Variants in FIP1L1 observed in about 807,000 individuals in gnomAD.
The protein encoded by FIP1L1 is pre-mRNA 3'-end-processing factor FIP1.
In FIP1L1, 21 loss-of-function variants were observed where a neutral mutation model predicts 84.6. The observed-to-expected ratio is 0.25, with a 90% CI of 0.18 to 0.36. The LOEUF is 0.36. Ranked by LOEUF, FIP1L1 falls within the 10% of genes least tolerant of loss-of-function variation. The probability of loss-of-function intolerance (pLI) is 1.00; values close to 1 mark genes in which losing one functional copy is unlikely to be tolerated. For missense variants in FIP1L1, 526 were observed against 751.1 expected (o/e 0.70, Z 3.50); for synonymous variants, 263 against 242.3 (o/e 1.09, Z -0.80).
chr4:53,382,432 A>G lies in FIP1L1; in HGVS notation c.228+97A>G. Reference sequence around the variant, plus strand: ...CAAGCTGGCATTTTACATTACCTTCAGTATCAGGTGTTATCTGGCCCTTTC... The same window carrying G: ...CAAGCTGGCATTTTACATTACCTTCGGTATCAGGTGTTATCTGGCCCTTTC... On this transcript the variant is annotated intron_variant, in intron 4 of 17. Coordinates refer to ENST00000337488, the MANE Select transcript of FIP1L1 (RefSeq NM_030917.4). 1.3e-5 allele frequency: 12 copies of G among 920,578 alleles called. 1 individual carries two copies. The highest frequency in any genetic ancestry group is 2.1e-5 in the Non-Finnish European group (12 of 564,484). 57.0% of individuals were successfully genotyped at this position (920,578 alleles called of 1,614,324 possible). A position where few individuals can be genotyped will look rare whatever the true frequency, so the allele number is the denominator to read the frequency against.
At chr4:53,454,791 C>T (rs1718063316) in intron 16 of FIP1L1, among the ~76,000 whole-genome samples, 1 of 152,180 alleles carries the variant, frequency 6.6e-6, no homozygotes, top group African/African-American at 2.4e-5. Context: ...GTGAGCCTGT[C>T]CTTTGAAACT....
intron 13 of FIP1L1, among the ~76,000 whole-genome samples, chr4:53,441,937 A>G (rs1772116669): frequency 6.6e-6 from 1 of 151,986 alleles, no homozygotes; most frequent in Admixed American, 6.6e-5. Flanking sequence ...TTCTGCTAGG[A>G]TGCTTTATAG....
At chr4:53,425,310 G>A (rs938966673) in intron 11 of FIP1L1, among the ~76,000 whole-genome samples, 4 of 152,024 alleles carry the variant, frequency 2.6e-5, no homozygotes, top group Non-Finnish European at 2.9e-5. Flanking sequence ...AGATTGTAGA[G>A]GTGAGGCGGG....
chr4:53,413,834 T>C (rs757309224), intron 10 of FIP1L1, among the ~76,000 whole-genome samples: 7 of 152,138 alleles, frequency 4.6e-5, no homozygotes, highest in African/African-American at 7.2e-5. Flanking sequence ...CATCTAACAG[T>C]TCGAAAGGCA....
chr4:53,398,626 G>T (rs1748638676), intron 9 of FIP1L1, among the ~76,000 whole-genome samples: 1 of 145,252 alleles, frequency 6.9e-6, no homozygotes. Context: ...CATAAAATAT[G>T]GTGTGATATT....
intron 10 of FIP1L1, among the ~76,000 whole-genome samples, chr4:53,405,847 C>T (rs1449550432): frequency 1.2e-4 from 18 of 151,628 alleles, no homozygotes; most frequent in Non-Finnish European, 2.4e-4. Context: ...GTGATTTTTG[C>T]ACATTGATTT....
At chr4:53,378,898 G>T in intron 1 of FIP1L1, 175 bp from the exon 2 acceptor site, 1 of 669,532 alleles carries the variant, frequency 1.5e-6, no homozygotes, top group South Asian at 2.1e-5. Context: ...TTTAGCATTA[G>T]TTACTACTCT....
At chr4:53,444,459 T>C (rs1277019305) in intron 15 of FIP1L1, among the ~76,000 whole-genome samples, 1 of 152,210 alleles carries the variant, frequency 6.6e-6, no homozygotes, top group Non-Finnish European at 1.5e-5. Flanking sequence ...TCTCCCTCGC[T>C]GGTTTATTTT....
chr4:53,383,777 T>G lies in FIP1L1; in HGVS notation c.233T>G (p.Val78Gly), dbSNP rs1439721279. Residue 78 changes from valine to glycine, a missense_variant, in exon 5 of 18, where the codon GTG (valine) becomes GGG (glycine). Around this residue, in one of 6 missense-constraint regions of FIP1L1, gnomAD observed 100 missense variants for 107.2 expected, o/e 0.93. Coordinates refer to ENST00000337488, the MANE Select transcript of FIP1L1 (RefSeq NM_030917.4). Reference protein sequence around the residue: ...TAENGVPKPKVTETEDDSDSD... With the variant: ...TAENGVPKPKGTETEDDSDSD... ...AATTTGTTTATGTTCATGTAGAAAG[T>G]GACTGAGACCGAAGATGATAGTGAT... The G allele has an allele frequency of 6.2e-7, 1 of 1,607,268 alleles. No individual in the cohort carries two copies. Among genetic ancestry groups the G allele is most frequent in the African/African-American group, 1.3e-5 (1 of 74,738 alleles).
At chr4:53,408,971 G>A (rs28835433) in intron 10 of FIP1L1, among the ~76,000 whole-genome samples, 19,774 of 152,004 alleles carry the variant, frequency 0.13, 2,562 homozygotes, top group African/African-American at 0.32. Flanking sequence ...TAGTTTGATC[G>A]TCTGAAGCTT....
At chr4:53,406,267 A>G (rs577901175) in intron 10 of FIP1L1, among the ~76,000 whole-genome samples, 1 of 152,264 alleles carries the variant, frequency 6.6e-6, no homozygotes, top group South Asian at 2.1e-4. Flanking sequence ...TATTGAGATA[A>G]TCGTGGTTTT....
chr4:53,436,872 A>G, intron 13 of FIP1L1, among the ~76,000 whole-genome samples: 1 of 152,050 alleles, frequency 6.6e-6, no homozygotes. Context: ...ACCCACTTTT[A>G]CATTTAAGTG....
intron 7 of FIP1L1, 115 bp downstream of exon 7, chr4:53,390,743 A>AAATTTTAATTTCATTATAATTTTAATC (rs1743832559): frequency 1.7e-5 from 12 of 694,468 alleles, no homozygotes; most frequent in Non-Finnish European, 2.3e-5. Flanking sequence ...AATTGTCTTA[A>AAATTTTAATTTCATTATAATTTTAATC]GCAAATGATG....
chr4:53,377,852 A>G lies in FIP1L1; in HGVS notation c.14A>G (p.Glu5Gly). The change falls in exon 1 of 18, where the codon GAG becomes GGG. Residue 5 changes from glutamate (E) to glycine (G), a missense_variant. Coordinates refer to ENST00000337488, the MANE Select transcript of FIP1L1 (RefSeq NM_030917.4). MSAG[E>G]VERLVSELSG... ...CTCGGGGCGGCCATGTCGGCCGGCG[A>G]GGTCGAGCGCCTAGTGTCGGAGCTG... is the stretch of plus-strand genomic sequence containing the variant. 1 of 1,589,946 alleles carries G rather than the reference A, an allele frequency of 6.3e-7. No individual in the cohort carries two copies. The highest frequency in any genetic ancestry group is 2.3e-5 in the East Asian group (1 of 43,558).
chr4:53,397,102 A>T (rs1296753135), intron 9 of FIP1L1, among the ~76,000 whole-genome samples: 2 of 152,238 alleles, frequency 1.3e-5, no homozygotes, highest in Non-Finnish European at 1.5e-5. Flanking sequence ...ATTTTTGTTG[A>T]AGCAAGTGAT....
At chr4:53,395,525 G>T (rs1746750727) in intron 9 of FIP1L1, among the ~76,000 whole-genome samples, 1 of 152,082 alleles carries the variant, frequency 6.6e-6, no homozygotes, top group Non-Finnish European at 1.5e-5. Context: ...TATAGTCTAG[G>T]CATTTATTGT....
chr4:53,393,248 A>C (rs1745256242), intron 9 of FIP1L1, among the ~76,000 whole-genome samples: 1 of 152,194 alleles, frequency 6.6e-6, no homozygotes. Context: ...TATGGGACTA[A>C]AATGAACTAG....
Position 53,418,738 on chromosome 4 carries a change from T to C in FIP1L1, c.923+4016T>C, listed in dbSNP as rs570172409. On this transcript the variant is annotated intron_variant, in intron 11 of 17. Transcript: ENST00000337488. ...ACAATGCTTTTTAACTGATTCATAC[T>C]CTTGAATGAATAGTAAAAATTGCTT... Among the ~76,000 whole-genome samples, 20 of 152,354 alleles carry C rather than the reference T, an allele frequency of 1.3e-4. No homozygotes were observed. In the South Asian group the frequency reaches 1.7e-3, roughly 13 times the overall value.
chr4:53,380,497 C>T (rs181893043), intron 3 of FIP1L1, among the ~76,000 whole-genome samples: 32 of 152,146 alleles, frequency 2.1e-4, no homozygotes, highest in African/African-American at 7.5e-4. Flanking sequence ...GACTATGTGA[C>T]CATATTAAAA....
Sources: allele counts gnomAD v4.1 joint callset (sites outside exome capture counted in the v4.1 genomes callset), GRCh38; gene constraint gnomAD v4.1.1; regional missense constraint gnomAD v4.1.1; transcripts MANE v1.5; gene names NCBI Gene and HGNC (gene_info 2026-07-23, HGNC 2026-07-21).